HIGD2B: variants seen among roughly 807,000 people sequenced by gnomAD.
HIGD2B encodes the protein HIG1 hypoxia inducible domain family member 2B, also known as HIG1 domain family member 2B.
For missense variants in HIGD2B, 106 were observed against 67.0 expected (o/e 1.58, Z -2.03); for synonymous variants, 45 against 28.1 (o/e 1.60, Z -1.90).
rs535486861 is a variant in HIGD2B at position 72,676,329 on chromosome 15, A to G, written c.46T>C (p.Ser16Pro). 7.9e-6 allele frequency: 6 copies of G among 761,374 alleles called. No individual in the cohort carries two copies. The highest frequency in any genetic ancestry group is 2.3e-4 in the Middle Eastern group (1 of 4,432). 47.2% of individuals were successfully genotyped at this position (761,374 alleles called of 1,614,324 possible). A position where few individuals can be genotyped will look rare whatever the true frequency, so the allele number is the denominator to read the frequency against. ...FVTPEAPFES[S>P]KPPIFEGLSP... Reference sequence around the variant, plus strand: ...AGCCCCTCAAAGATGGGGGGCTTCGATGATTCAAAGGGGGCCTCCGGAGTC... The same window carrying G: ...AGCCCCTCAAAGATGGGGGGCTTCGGTGATTCAAAGGGGGCCTCCGGAGTC... The change falls in exon 3 of 3, where the codon TCG (serine) becomes CCG (proline). Residue 16 changes from serine (S) to proline (P), a missense_variant. By Grantham distance (74) the Ser-to-Pro change is moderately conservative (BLOSUM62 -1). Coordinates refer to ENST00000311755, the MANE Select transcript of HIGD2B (RefSeq NM_001350932.3).
At chr15:72,683,438 CTTT>C (rs11329719) in intron 1 of HIGD2B, among the ~76,000 whole-genome samples, 59 of 124,988 alleles carry the variant, frequency 4.7e-4, no homozygotes, top group Non-Finnish European at 5.4e-4. Flanking sequence ...TCAATTCCTC[CTTT>C]TTTTTTTTTT....
Position 72,680,195 on chromosome 15 carries a change from T to C in HIGD2B, c.-192-2A>G, listed in dbSNP as rs2064734624. The C allele has an allele frequency of 6.2e-6, 1 of 161,910 alleles. No individual in the cohort carries two copies. Among genetic ancestry groups the C allele is most frequent in the South Asian group, 1.8e-4 (1 of 5,684 alleles). The allele number at this position is 161,910 out of a possible 1,614,324, so 10.0% of individuals were successfully genotyped here. Reference sequence around the variant, plus strand: ...CTATTTCAGGTTTGACCTCAGTAGCTAGAGGAAAAGTGGTTAAACAAAATA... The same window carrying C: ...CTATTTCAGGTTTGACCTCAGTAGCCAGAGGAAAAGTGGTTAAACAAAATA... On this transcript the variant is annotated splice_acceptor_variant, in intron 1 of 2. Coordinates refer to ENST00000311755, the MANE Select transcript of HIGD2B (RefSeq NM_001350932.3). LOFTEE classifies it low-confidence loss of function (5UTR_SPLICE).
At chr15:72,685,322 T>C (rs2064806117) in intron 1 of HIGD2B, among the ~76,000 whole-genome samples, 2 of 152,084 alleles carry the variant, frequency 1.3e-5, no homozygotes, top group South Asian at 4.2e-4. Context: ...AAGTATGAAT[T>C]GGGGCTAATG....
chr15:72,678,587 C>A (rs1164008485), intron 2 of HIGD2B, among the ~76,000 whole-genome samples: 1 of 152,120 alleles, frequency 6.6e-6, no homozygotes. Context: ...GAGGCGTGAG[C>A]CACTACGCCT....
Position 72,685,621 on chromosome 15 carries a change from C to T in HIGD2B, c.-193+197G>A, listed in dbSNP as rs149169590. ...TATTTCACTGCCTTGCAGAAAACGC[C>T]GACTGTCGTCTCTTTATCCCATGGC... On this transcript the variant is annotated intron_variant, in intron 1 of 2. Transcript: ENST00000311755. Among the ~76,000 whole-genome samples, 1,205 of 152,308 alleles carry T rather than the reference C, an allele frequency of 7.9e-3. 12 individuals are homozygous for T. Among genetic ancestry groups the T allele is most frequent in the African/African-American group, 0.028 (1,150 of 41,572 alleles).
At chr15:72,680,349 A>C (rs2064735974) in intron 1 of HIGD2B, among the ~76,000 whole-genome samples, 156 bp from the exon 2 acceptor site, 1 of 152,140 alleles carries the variant, frequency 6.6e-6, no homozygotes, top group Non-Finnish European at 1.5e-5. Context: ...TCACATCAGC[A>C]TATATATATG....
At position 72,679,995 on chromosome 15, in the gene HIGD2B, T is replaced by C. The variant is rs1320631858; in HGVS notation, c.-14+20A>G. 7 of 344,604 alleles carry C rather than the reference T, an allele frequency of 2.0e-5. No homozygotes were observed. Among genetic ancestry groups the C allele is most frequent in the Non-Finnish European group, 3.3e-5 (7 of 210,374 alleles). The allele number at this position is 344,604 out of a possible 1,614,324, so 21.3% of individuals were successfully genotyped here. ...AAGCATCCTGGTAACCAACTGCTGG[T>C]CCAAACATTTCCTACTTACATGGAA... On this transcript the variant is annotated intron_variant, in intron 2 of 2. Coordinates refer to ENST00000311755, the MANE Select transcript of HIGD2B (RefSeq NM_001350932.3).
intron 1 of HIGD2B, among the ~76,000 whole-genome samples, chr15:72,680,677 A>G (rs1392397444): frequency 6.6e-6 from 1 of 152,218 alleles, no homozygotes; most frequent in Non-Finnish European, 1.5e-5. Flanking sequence ...ACCTGAGCTC[A>G]GGAGTTCAAG....
At chr15:72,684,078 A>C (rs527861063) in intron 1 of HIGD2B, among the ~76,000 whole-genome samples, 1 of 152,102 alleles carries the variant, frequency 6.6e-6, no homozygotes, top group African/African-American at 2.4e-5. Flanking sequence ...GAAGTGTTAA[A>C]GGTGGAGGGT....
Position 72,676,117 on chromosome 15 carries a change from C to A in HIGD2B, c.258G>T (p.Gln86His). The stretch of plus-strand genomic sequence containing the variant: ...GCAAGATGGCTGCAATGGTGAAGCC[C>A]TGGGCGGCGATCTGGGTGTGCATCA... ...RLMMHTQIAA[Q>H]GFTIAAILLG... Residue 86 changes from glutamine to histidine, a missense_variant, in exon 3 of 3, where the codon CAG becomes CAT. Physicochemically the swap from Gln to His is conservative, Grantham distance 24 (BLOSUM62 0). Transcript: ENST00000311755. 1.3e-6 allele frequency: 1 copy of A among 765,530 alleles called. No individual in the cohort carries two copies. The allele number at this position is 765,530 out of a possible 1,614,324, so 47.4% of individuals were successfully genotyped here.
rs1433521808 is a variant in HIGD2B at position 72,676,165 on chromosome 15, G to C, written c.210C>G (p.Gly70=). 1 of 763,044 alleles carries C rather than the reference G, an allele frequency of 1.3e-6. No individual in the cohort carries two copies. The highest frequency in any genetic ancestry group is 2.4e-6 in the Non-Finnish European group (1 of 416,096). The allele number at this position is 763,044 out of a possible 1,614,324, so 47.3% of individuals were successfully genotyped here. The change falls in exon 3 of 3, where the codon GGC becomes GGG. Residue 70 remains glycine, a synonymous_variant. Transcript: ENST00000311755. ...LTNGLYCFHQ[G]NSQCSRLMMH... ...TCATAAGCCGTGAACATTGGCTGTT[G>C]CCCTGGTGGAAGCAGTAGAGGCCGT...
chr15:72,676,350 G>T lies in HIGD2B; in HGVS notation c.25C>A (p.Pro9Thr). The change falls in exon 3 of 3, where the codon CCG becomes ACG. Residue 9 changes from proline to threonine, a missense_variant. Pro to Thr is a conservative substitution (Grantham distance 38, BLOSUM62 -1). Coordinates refer to ENST00000311755, the MANE Select transcript of HIGD2B (RefSeq NM_001350932.3). ...TTCGATGATTCAAAGGGGGCCTCCGGAGTCACAAAGCCGAGAGTCGCCATG... is the reference window on the plus strand; with the variant it reads ...TTCGATGATTCAAAGGGGGCCTCCGTAGTCACAAAGCCGAGAGTCGCCATG... MATLGFVT[P>T]EAPFESSKPP... The T allele has an allele frequency of 1.3e-6, 1 of 759,816 alleles. No individual in the cohort carries two copies. The highest frequency in any genetic ancestry group is 2.4e-6 in the Non-Finnish European group (1 of 414,610). 47.1% of individuals were successfully genotyped at this position (759,816 alleles called of 1,614,324 possible).
chr15:72,677,777 A>AT (rs990124001), intron 2 of HIGD2B, among the ~76,000 whole-genome samples: 5 of 151,870 alleles, frequency 3.3e-5, no homozygotes, highest in Admixed American at 1.3e-4. Flanking sequence ...AATTAAAAAA[A>AT]AATAAAATAA....
At position 72,685,986 on chromosome 15, in the gene HIGD2B, G is replaced by T; in HGVS notation, c.-361C>A. The T allele has an allele frequency of 1.7e-6, 1 of 604,910 alleles. No individual in the cohort carries two copies. The highest frequency in any genetic ancestry group is 2.9e-6 in the Non-Finnish European group (1 of 339,418). The allele number at this position is 604,910 out of a possible 1,614,324, so 37.5% of individuals were successfully genotyped here. ...GTACAGACCATGTACAGACCACGGC[G>T]AGGGGTGTTAGGGGCTTCTCGGGAT... On this transcript the variant is annotated 5_prime_UTR_variant, in exon 1 of 3. Transcript: ENST00000311755.
At chr15:72,676,629 C>T (rs149560834) in intron 2 of HIGD2B, among the ~76,000 whole-genome samples, 364 of 152,244 alleles carry the variant, frequency 2.4e-3, no homozygotes, top group African/African-American at 8.5e-3. Context: ...ATTGGCCAGG[C>T]TGGTCTCGAA....
chr15:72,678,659 G>C (rs759502681), intron 2 of HIGD2B, among the ~76,000 whole-genome samples: 1 of 152,222 alleles, frequency 6.6e-6, no homozygotes, highest in East Asian at 1.9e-4. Flanking sequence ...AGAGATTCCT[G>C]GGGGCAGCCA....
In HIGD2B at chr15:72,675,802, T is replaced by A. The variant is rs1229293881; in HGVS notation, c.*252A>T. The A allele has an allele frequency of 4.4e-6, 2 of 450,678 alleles. No homozygotes were observed. Among genetic ancestry groups the A allele is most frequent in the African/African-American group, 3.9e-5 (2 of 50,870 alleles). The allele number at this position is 450,678 out of a possible 1,614,324, so 27.9% of individuals were successfully genotyped here. On this transcript the variant is annotated 3_prime_UTR_variant, in exon 3 of 3. Coordinates refer to ENST00000311755, the MANE Select transcript of HIGD2B (RefSeq NM_001350932.3). ...CAGTATGTGTGTAATTTTTTACTTT[T>A]TTCTTATTTTTAGAGTTTATTAAGC... is the stretch of plus-strand genomic sequence containing the variant.
intron 1 of HIGD2B, among the ~76,000 whole-genome samples, chr15:72,680,762 C>A (rs2150977355): frequency 1.3e-5 from 2 of 152,252 alleles, no homozygotes; most frequent in South Asian, 4.1e-4. Context: ...GTGGCAGATG[C>A]CTGTAATTCC....
chr15:72,676,029 C>A lies in HIGD2B; in HGVS notation c.*25G>T. The A allele has an allele frequency of 1.4e-6, 1 of 713,486 alleles. No homozygotes were observed. Among genetic ancestry groups the A allele is most frequent in the Non-Finnish European group, 2.6e-6 (1 of 389,588 alleles). The allele number at this position is 713,486 out of a possible 1,614,324, so 44.2% of individuals were successfully genotyped here. A position where few individuals can be genotyped will look rare whatever the true frequency, so the allele number is the denominator to read the frequency against. On this transcript the variant is annotated 3_prime_UTR_variant, in exon 3 of 3. Transcript: ENST00000311755. Reference sequence around the variant, plus strand: ...TTGCTCCTGGGTTTTGGAATGATTTCTGCAGAGTTTTCAAGACCCTGGGCT... The same window carrying A: ...TTGCTCCTGGGTTTTGGAATGATTTATGCAGAGTTTTCAAGACCCTGGGCT...
Sources: allele counts gnomAD v4.1 joint callset (sites outside exome capture counted in the v4.1 genomes callset), GRCh38; gene constraint gnomAD v4.1.1; transcripts MANE v1.5; gene names NCBI Gene and HGNC (gene_info 2026-07-23, HGNC 2026-07-21).